CFAP61: variants seen among roughly 807,000 people sequenced by gnomAD.
CFAP61 encodes cilia- and flagella-associated protein 61.
CFAP61 carries 107 observed loss-of-function variants against 135.6 expected under a neutral mutation model. The observed-to-expected ratio is 0.79, with a 90% CI of 0.67 to 0.93. The LOEUF (loss-of-function observed/expected upper bound fraction) is 0.93. Among genes scored for constraint, CFAP61 ranks in the 40% least tolerant of loss-of-function variants. The probability of loss-of-function intolerance (pLI) is 0.00; values close to 1 mark genes in which losing one functional copy is unlikely to be tolerated. For synonymous variants in CFAP61, 575 were observed against 578.5 expected, an observed-to-expected ratio of 0.99 and a Z score of 0.09; for missense variants, 1,507 against 1,556.2, an observed-to-expected ratio of 0.97 and a Z score of 0.53.
intron 22 of CFAP61, among the ~76,000 whole-genome samples, chr20:20,284,406 T>C (rs1255662583): frequency 6.6e-6 from 1 of 151,866 alleles, no homozygotes; most frequent in East Asian, 1.9e-4. Flanking sequence ...CTGCCTCAGC[T>C]TCCCGAGTAG....
intron 2 of CFAP61, among the ~76,000 whole-genome samples, chr20:20,059,582 C>T (rs182785913): frequency 3.3e-5 from 5 of 151,574 alleles, no homozygotes; most frequent in Admixed American, 2.0e-4. Context: ...CGCACCACTG[C>T]GCTCCAGCCT....
At chr20:20,204,144 G>T (rs550156640) in intron 17 of CFAP61, among the ~76,000 whole-genome samples, 3 of 152,104 alleles carry the variant, frequency 2.0e-5, no homozygotes, top group Non-Finnish European at 4.4e-5. Flanking sequence ...GAATTGTAGC[G>T]TGAACTCACC....
chr20:20,159,292 G>C, intron 9 of CFAP61, 78 bp from the exon 10 acceptor site: 1 of 1,275,020 alleles, frequency 7.8e-7, no homozygotes, highest in African/African-American at 2.2e-5. Flanking sequence ...CTGAACCCTG[G>C]CAGTTTGCTC....
At chr20:20,190,941 T>C (rs2146874522) in intron 14 of CFAP61, among the ~76,000 whole-genome samples, 1 of 151,988 alleles carries the variant, frequency 6.6e-6, no homozygotes, top group Admixed American at 6.6e-5. Context: ...CAACATGGTG[T>C]AACCTCATCT....
rs1294395060 is a variant in CFAP61 at position 20,196,675 on chromosome 20, A to T, written c.1696A>T (p.Ile566Phe). ...CATGCATCACTTTGCCCTCAACCCCATTTTCCGGCACTACACCAAGTTCTT... is the reference window on the plus strand; with the variant it reads ...CATGCATCACTTTGCCCTCAACCCCTTTTTCCGGCACTACACCAAGTTCTT... The part of the protein sequence containing the change: ...GHMHHFALNP[I>F]FRHYTKFFLK... The change falls in exon 16 of 27, where the codon ATT becomes TTT. Residue 566 changes from isoleucine (I) to phenylalanine (F), a missense_variant. Physicochemically the swap from Ile to Phe is conservative, Grantham distance 21 (BLOSUM62 0). Transcript: ENST00000245957. 5 of 1,613,736 alleles carry T rather than the reference A, an allele frequency of 3.1e-6. No homozygotes were observed. In the South Asian group the frequency reaches 5.5e-5, roughly 18 times the overall value.
chr20:20,099,897 C>T (rs2047890405), intron 8 of CFAP61, among the ~76,000 whole-genome samples: 1 of 152,156 alleles, frequency 6.6e-6, no homozygotes, highest in African/African-American at 2.4e-5. Context: ...TGCACAGTGT[C>T]TAGACCTCAT....
chr20:20,196,219 T>C lies in CFAP61; in HGVS notation c.1591-351T>C, dbSNP rs6035579. Reference sequence around the variant, plus strand: ...TTCCCACAGGCTCCGTCTCTTGTGCTGACTGGCTTGTGCTCACATCGCCTG... The same window carrying C: ...TTCCCACAGGCTCCGTCTCTTGTGCCGACTGGCTTGTGCTCACATCGCCTG... On this transcript the variant is annotated intron_variant, in intron 15 of 26. Coordinates refer to ENST00000245957, the MANE Select transcript of CFAP61 (RefSeq NM_015585.4). Among the ~76,000 whole-genome samples, 827 of 152,334 alleles carry C rather than the reference T, an allele frequency of 5.4e-3. 10 individuals carry two copies. The highest frequency in any genetic ancestry group is 0.018 in the African/African-American group (740 of 41,570).
intron 8 of CFAP61, among the ~76,000 whole-genome samples, chr20:20,140,346 C>G (rs1568989066): frequency 6.9e-6 from 1 of 145,656 alleles, no homozygotes; most frequent in Non-Finnish European, 1.5e-5. Flanking sequence ...CTCCCACCTC[C>G]CCCCACCCCA....
rs963786461 is a variant in CFAP61 at position 20,164,173 on chromosome 20, G to A, written c.1150G>A (p.Ala384Thr). The A allele has an allele frequency of 1.2e-6, 2 of 1,614,088 alleles. No homozygotes were observed. Among genetic ancestry groups the A allele is most frequent in the South Asian group, 2.2e-5 (2 of 91,072 alleles). The change falls in exon 11 of 27, where the codon GCC becomes ACC. Residue 384 changes from alanine (A) to threonine (T), a missense_variant. Coordinates refer to ENST00000245957, the MANE Select transcript of CFAP61 (RefSeq NM_015585.4). Reference sequence around the variant, plus strand: ...CCACTTCCGCCCCATCTACAGGGGAGCCTCAGCTGCTTTTTGTATTCAGCT... The same window carrying A: ...CCACTTCCGCCCCATCTACAGGGGAACCTCAGCTGCTTTTTGTATTCAGCT... ...PVHFRPIYRG[A>T]SAAFCIQLFC...
At chr20:20,289,701 C>T (rs2147064801) in intron 23 of CFAP61, among the ~76,000 whole-genome samples, 1 of 152,310 alleles carries the variant, frequency 6.6e-6, no homozygotes, top group Middle Eastern at 3.4e-3. Flanking sequence ...CTAGGCAGCC[C>T]CACAAGGTCT....
intron 18 of CFAP61, chr20:20,228,691 G>A (rs1030459613): frequency 9.4e-6 from 2 of 213,600 alleles, no homozygotes; most frequent in Non-Finnish European, 9.5e-6. Context: ...CCTCTGCTGA[G>A]TAGTTGGAAC....
At chr20:20,158,131 A>G (rs938273593) in intron 9 of CFAP61, among the ~76,000 whole-genome samples, 1 of 148,286 alleles carries the variant, frequency 6.7e-6, no homozygotes, top group Non-Finnish European at 1.5e-5. Flanking sequence ...TGGGAGATAT[A>G]CCTAATGCTA....
intron 18 of CFAP61, among the ~76,000 whole-genome samples, chr20:20,231,862 A>G (rs2049164755): frequency 6.6e-6 from 1 of 152,196 alleles, no homozygotes; most frequent in African/African-American, 2.4e-5. Context: ...GTTCTTCATA[A>G]TGCCCAAGAC....
At chr20:20,200,779 A>G (rs966473301) in intron 17 of CFAP61, 1 of 985,274 alleles carries the variant, frequency 1.0e-6, no homozygotes, top group Non-Finnish European at 1.2e-6. Context: ...ACACCTCGCA[A>G]TACGCTCGGC....
intron 8 of CFAP61, among the ~76,000 whole-genome samples, chr20:20,105,106 G>A (rs1462479985): frequency 6.6e-6 from 1 of 152,080 alleles, no homozygotes; most frequent in African/African-American, 2.4e-5. Flanking sequence ...GGCGGTATGT[G>A]TTCAGGGTGG....
intron 13 of CFAP61, chr20:20,172,392 C>A: frequency 1.8e-6 from 1 of 556,974 alleles, no homozygotes; most frequent in Non-Finnish European, 2.3e-6. Context: ...TCATGGCTCG[C>A]TGGAGCCTCA....
In CFAP61 at chr20:20,298,320, A is replaced by G. The variant is rs757475159; in HGVS notation, c.3356A>G (p.Gln1119Arg). The G allele has an allele frequency of 6.2e-7, 1 of 1,614,208 alleles. No homozygotes were observed. Among genetic ancestry groups the G allele is most frequent in the South Asian group, 1.1e-5 (1 of 91,078 alleles). The change falls in exon 25 of 27, where the codon CAG becomes CGG. Residue 1119 changes from glutamine (Q) to arginine (R), a missense_variant. Coordinates refer to ENST00000245957, the MANE Select transcript of CFAP61 (RefSeq NM_015585.4). ...PASNYIRLFGQHEQLLNNLCA... is the reference protein window; with the variant it reads ...PASNYIRLFGRHEQLLNNLCA... ...TCCAACTACATCCGCTTGTTTGGCC[A>G]GCACGAGCAACTCCTCAACAACCTG...
chr20:20,142,575 T>C (rs1187785307), intron 8 of CFAP61, among the ~76,000 whole-genome samples: 1 of 152,180 alleles, frequency 6.6e-6, no homozygotes, highest in Non-Finnish European at 1.5e-5. Flanking sequence ...GCCAGGTCCG[T>C]TGCCCATCTT....
chr20:20,102,232 T>C (rs1168295428), intron 8 of CFAP61, among the ~76,000 whole-genome samples: 1 of 152,246 alleles, frequency 6.6e-6, no homozygotes, highest in East Asian at 1.9e-4. Context: ...TGGTTGTAAC[T>C]GAATCTTTAA....
Sources: allele counts gnomAD v4.1 joint callset (sites outside exome capture counted in the v4.1 genomes callset), GRCh38; gene constraint gnomAD v4.1.1; transcripts MANE v1.5; gene names NCBI Gene and HGNC (gene_info 2026-07-23, HGNC 2026-07-21).